Variants in ARHGEF28 observed in about 807,000 individuals in gnomAD.
ARHGEF28 encodes Rho guanine nucleotide exchange factor 28.
In ARHGEF28, 152 loss-of-function variants were observed where a neutral mutation model predicts 206.6. The observed-to-expected ratio is 0.74, with a 90% CI of 0.64 to 0.84. The LOEUF is 0.84. Ranked by LOEUF, ARHGEF28 falls within the 40% of genes least tolerant of loss-of-function variation. The pLI, the probability that ARHGEF28 is intolerant of heterozygous loss-of-function variation, is 0.00. For missense variants in ARHGEF28, 2,028 were observed against 2,073.2 expected (o/e 0.98, Z 0.42); for synonymous variants, 763 against 776.4 (o/e 0.98, Z 0.29).
At position 73,886,076 on chromosome 5, in the gene ARHGEF28, C is replaced by T. The variant is rs866716392; in HGVS notation, c.3282C>T (p.Tyr1094=). The change falls in exon 25 of 36, where the codon TAC becomes TAT. Residue 1094 remains tyrosine, a synonymous_variant. Coordinates refer to ENST00000513042, the MANE Select transcript of ARHGEF28 (RefSeq NM_001177693.2). The stretch of plus-strand genomic sequence containing the variant: ...CTCTGTTATATGATGGCCTTGTTTA[C>T]TGGAAAACTGCTACAGGTCGTTTCA... ...ERTLLYDGLV[Y]WKTATGRFKD... is the part of the protein sequence containing the mutation. The T allele has an allele frequency of 2.7e-5, 43 of 1,613,242 alleles. 2 individuals are homozygous for T. The Middle Eastern group carries it at 5.0e-3, about 186-fold the overall frequency.
At chr5:73,833,888 A>AC (rs942821051) in intron 10 of ARHGEF28, among the ~76,000 whole-genome samples, 5 of 151,682 alleles carry the variant, frequency 3.3e-5, no homozygotes, top group South Asian at 4.2e-4. Flanking sequence ...GGGGAAAACC[A>AC]CCCCCCATGA....
intron 9 of ARHGEF28, among the ~76,000 whole-genome samples, chr5:73,802,562 G>A (rs79993844): frequency 0.017 from 2,561 of 152,186 alleles, 70 homozygotes; most frequent in African/African-American, 0.059. Context: ...CAGATTTCAT[G>A]TATTCCATTC....
chr5:73,875,008 T>G (rs1760364329), intron 22 of ARHGEF28, among the ~76,000 whole-genome samples: 1 of 151,812 alleles, frequency 6.6e-6, no homozygotes, highest in African/African-American at 2.4e-5. Context: ...ACTTCCACAA[T>G]GGTTGAACTA....
At chr5:73,858,816 A>G (rs773269893) in intron 16 of ARHGEF28, among the ~76,000 whole-genome samples, 9 of 152,258 alleles carry the variant, frequency 5.9e-5, no homozygotes, top group South Asian at 2.1e-4. Context: ...AAATCTCCCA[A>G]TGGCTTCCTA....
In ARHGEF28 at chr5:73,798,562, G is replaced by A. The variant is rs373392948; in HGVS notation, c.1024+3171G>A. ...TTCTCTGCAGATGCTGTAAGGGGTCGGCATTTTGTCGAAGGGGAGAATCAT... is the reference window on the plus strand; with the variant it reads ...TTCTCTGCAGATGCTGTAAGGGGTCAGCATTTTGTCGAAGGGGAGAATCAT... On this transcript the variant is annotated intron_variant, in intron 9 of 35. Coordinates refer to ENST00000513042, the MANE Select transcript of ARHGEF28 (RefSeq NM_001177693.2). 2.6e-3 allele frequency among the ~76,000 whole-genome samples: 402 copies of A among 152,210 alleles called. 4 individuals carry two copies. The highest frequency in any genetic ancestry group is 5.2e-3 in the African/African-American group (215 of 41,528).
rs926355748 is a variant in ARHGEF28 at position 73,760,366 on chromosome 5, G to A, written c.475+7164G>A. On this transcript the variant is annotated intron_variant, in intron 4 of 35. Transcript: ENST00000513042. ...GGGTAACAACTGATTCAGGGGTTTTGTATGTTTCTCTTGGAAATCTTGACA... is the reference window on the plus strand; with the variant it reads ...GGGTAACAACTGATTCAGGGGTTTTATATGTTTCTCTTGGAAATCTTGACA... 1.3e-5 allele frequency among the ~76,000 whole-genome samples: 2 copies of A among 151,226 alleles called. 1 individual carries two copies. The highest frequency in any genetic ancestry group is 3.9e-4 in the East Asian group (2 of 5,156).
At chr5:73,866,145 T>C in intron 18 of ARHGEF28, 132 bp downstream of exon 18, 1 of 858,596 alleles carries the variant, frequency 1.2e-6, no homozygotes. Flanking sequence ...ATGCTTGGCA[T>C]GATTTTTAGT....
rs140460379 is a variant in ARHGEF28 at position 73,679,987 on chromosome 5, T to G, written c.-11-4854T>G. ...TAATGTCCCATAGAATATTTTGTGC[T>G]TTTGGCTTCAAGTTCTTTGTTGCAG... On this transcript the variant is annotated intron_variant, in intron 1 of 35. Coordinates refer to ENST00000513042, the MANE Select transcript of ARHGEF28 (RefSeq NM_001177693.2). Among the ~76,000 whole-genome samples, 30 of 152,348 alleles carry G rather than the reference T, an allele frequency of 2.0e-4. No individual in the cohort carries two copies. In the East Asian group the frequency reaches 5.6e-3, roughly 28 times the overall value.
At chr5:73,922,513 C>A (rs1763573459) in intron 35 of ARHGEF28, among the ~76,000 whole-genome samples, 1 of 152,196 alleles carries the variant, frequency 6.6e-6, no homozygotes, top group African/African-American at 2.4e-5. Context: ...GTGTGCTTGT[C>A]ATTTCAGATG....
At chr5:73,636,244 C>T (rs1743710100) in intron 1 of ARHGEF28, among the ~76,000 whole-genome samples, 1 of 152,176 alleles carries the variant, frequency 6.6e-6, no homozygotes, top group Non-Finnish European at 1.5e-5. Flanking sequence ...AGGTTATCTT[C>T]TTCGTATCTA....
intron 26 of ARHGEF28, 112 bp from the exon 27 acceptor site, chr5:73,891,940 T>G (rs1239457850): frequency 2.2e-6 from 2 of 922,584 alleles, no homozygotes; most frequent in East Asian, 5.4e-5. Context: ...TTGAAAAGAT[T>G]GGAAGTGGAG....
At chr5:73,817,219 A>T (rs1390638330) in intron 9 of ARHGEF28, among the ~76,000 whole-genome samples, 1 of 152,176 alleles carries the variant, frequency 6.6e-6, no homozygotes, top group East Asian at 1.9e-4. Flanking sequence ...CTGCCTTTCC[A>T]GTGACACATA....
chr5:73,819,307 C>T (rs1756426478), intron 9 of ARHGEF28, among the ~76,000 whole-genome samples: 1 of 152,206 alleles, frequency 6.6e-6, no homozygotes, highest in South Asian at 2.1e-4. Context: ...CCCTCCATTA[C>T]TCTGGCCATA....
At chr5:73,690,353 C>A (rs1294760150) in intron 2 of ARHGEF28, among the ~76,000 whole-genome samples, 1 of 151,704 alleles carries the variant, frequency 6.6e-6, no homozygotes, top group Non-Finnish European at 1.5e-5. Context: ...AAAACAAATA[C>A]CTATTCTACT....
chr5:73,737,365 T>C (rs549465068), intron 2 of ARHGEF28, among the ~76,000 whole-genome samples: 55 of 152,110 alleles, frequency 3.6e-4, no homozygotes, highest in African/African-American at 1.3e-3. Flanking sequence ...TCCAGCTCTT[T>C]CTCTGCTTGC....
chr5:73,911,435 T>G lies in ARHGEF28; in HGVS notation c.4808T>G (p.Val1603Gly), dbSNP rs951757564. Residue 1603 changes from valine to glycine, a missense_variant, in exon 35 of 36, where the codon GTG becomes GGG. Coordinates refer to ENST00000513042, the MANE Select transcript of ARHGEF28 (RefSeq NM_001177693.2). ...YPTTQSHSDL[V>G]RTSEHQVDLK... ...ACAACTCAATCTCATTCTGACTTGGTGAGGACTAGTGAACATCAAGTAGAC... is the reference window on the plus strand; with the variant it reads ...ACAACTCAATCTCATTCTGACTTGGGGAGGACTAGTGAACATCAAGTAGAC... 2 of 1,613,892 alleles carry G rather than the reference T, an allele frequency of 1.2e-6. No individual in the cohort carries two copies. The highest frequency in any genetic ancestry group is 2.7e-5 in the African/African-American group (2 of 74,938).
intron 16 of ARHGEF28, among the ~76,000 whole-genome samples, chr5:73,862,792 A>G (rs748995696): frequency 9.2e-5 from 14 of 151,688 alleles, no homozygotes; most frequent in Non-Finnish European, 1.9e-4. Flanking sequence ...ATTCAGCTCT[A>G]TCTCTACCTA....
chr5:73,705,406 C>T (rs1421027872), intron 2 of ARHGEF28, among the ~76,000 whole-genome samples: 3 of 152,224 alleles, frequency 2.0e-5, no homozygotes, highest in African/African-American at 4.8e-5. Context: ...CCACTTTATA[C>T]CTTCCACCTA....
At chr5:73,801,639 A>T (rs1159401765) in intron 9 of ARHGEF28, among the ~76,000 whole-genome samples, 15 of 152,026 alleles carry the variant, frequency 9.9e-5, no homozygotes, top group Non-Finnish European at 1.5e-5. Context: ...AACTCTTCTG[A>T]AAAATACGTT....
Sources: gnomAD v4.1 joint callset for allele counts (sites outside exome capture counted in the v4.1 genomes callset) on GRCh38, gnomAD v4.1.1 for gene constraint, MANE v1.5 for transcripts, NCBI Gene and HGNC (gene_info 2026-07-23, HGNC 2026-07-21) for gene names.